CLASP2: variants seen among roughly 807,000 people sequenced by gnomAD.
CLASP2 encodes the protein cytoplasmic linker associated protein 2, also known as CLIP-associating protein 2.
CLASP2 carries 47 observed loss-of-function variants against 194.4 expected under a neutral mutation model. The observed-to-expected ratio is 0.24, with a 90% CI of 0.19 to 0.31. CLASP2 has a LOEUF of 0.31. Ranked by LOEUF, CLASP2 falls within the 10% of genes least tolerant of loss-of-function variation. CLASP2 has a pLI of 1.00. For missense variants in CLASP2, 1,445 were observed against 1,823.6 expected, an observed-to-expected ratio of 0.79 and a Z score of 3.78; for synonymous variants, 619 against 633.5, an observed-to-expected ratio of 0.98 and a Z score of 0.34.
At chr3:33,636,703 C>T (rs148577202) in intron 8 of CLASP2, among the ~76,000 whole-genome samples, 5,346 of 152,206 alleles carry the variant, frequency 0.035, 143 homozygotes, top group Non-Finnish European at 0.052. Flanking sequence ...TGGGTTCAAG[C>T]GATTCTCCTG....
chr3:33,628,878 T>C (rs925193961), intron 9 of CLASP2, among the ~76,000 whole-genome samples: 5 of 151,934 alleles, frequency 3.3e-5, no homozygotes, highest in Middle Eastern at 3.4e-3. Context: ...GATGTGCCTA[T>C]AAAGAGACAG....
chr3:33,561,797 C>T (rs1192617132), intron 27 of CLASP2, among the ~76,000 whole-genome samples: 3 of 151,928 alleles, frequency 2.0e-5, no homozygotes, highest in Admixed American at 6.6e-5. Context: ...ATAAGATAGT[C>T]AACACCATAA....
At chr3:33,593,887 A>G (rs2069496889) in intron 20 of CLASP2, among the ~76,000 whole-genome samples, 1 of 152,156 alleles carries the variant, frequency 6.6e-6, no homozygotes. Context: ...TCTGTTGCCC[A>G]GGCTGGAGTG....
intron 7 of CLASP2, among the ~76,000 whole-genome samples, chr3:33,660,237 C>A (rs1343646918): frequency 6.6e-6 from 1 of 152,204 alleles, no homozygotes; most frequent in East Asian, 1.9e-4. Context: ...CTGCCATAAT[C>A]GCAGGGGGTC....
At chr3:33,516,836 G>A in intron 35 of CLASP2, 145 bp downstream of exon 35, 1 of 695,940 alleles carries the variant, frequency 1.4e-6, no homozygotes, top group Middle Eastern at 4.1e-4. Flanking sequence ...AGAAGAAAAA[G>A]TACTTCACAG....
intron 37 of CLASP2, among the ~76,000 whole-genome samples, chr3:33,509,850 C>T (rs551286029): frequency 6.6e-6 from 1 of 152,088 alleles, no homozygotes; most frequent in Non-Finnish European, 1.5e-5. Context: ...ACATCTATGA[C>T]TATAAATTAG....
intron 3 of CLASP2, 34 bp from the exon 4 acceptor site, chr3:33,688,402 A>G (rs1559645155): frequency 1.4e-6 from 2 of 1,404,736 alleles, no homozygotes; most frequent in Admixed American, 2.2e-5. Context: ...GTATAACAAA[A>G]AACTAAATTA....
At chr3:33,552,116 ATTTT>A (rs760891395) in intron 29 of CLASP2, among the ~76,000 whole-genome samples, 5 of 135,238 alleles carry the variant, frequency 3.7e-5, no homozygotes, top group Non-Finnish European at 3.2e-5. Flanking sequence ...TGGGTTTATA[ATTTT>A]TTTTTTTTTT....
chr3:33,591,439 C>T (rs2068761800), intron 21 of CLASP2, among the ~76,000 whole-genome samples: 1 of 151,832 alleles, frequency 6.6e-6, no homozygotes, highest in African/African-American at 2.4e-5. Flanking sequence ...ACAGCAAGAC[C>T]CCATCTCTTA....
intron 6 of CLASP2, among the ~76,000 whole-genome samples, chr3:33,672,701 T>G (rs962237706): frequency 6.6e-6 from 1 of 152,032 alleles, no homozygotes; most frequent in Non-Finnish European, 1.5e-5. Flanking sequence ...TGAAAAAAAT[T>G]TAGATGAATG....
Position 33,671,805 on chromosome 3 carries a change from C to T in CLASP2, c.645-8290G>A, listed in dbSNP as rs976568927. On this transcript the variant is annotated intron_variant, in intron 6 of 38. Transcript: ENST00000682230. Reference sequence around the variant, plus strand: ...AGGAGATTATATCCTGCACCTGGCTCGGAGGGTCCTACGCCCACGGAGACT... The same window carrying T: ...AGGAGATTATATCCTGCACCTGGCTTGGAGGGTCCTACGCCCACGGAGACT... Among the ~76,000 whole-genome samples the T allele has an allele frequency of 1.4e-4, 21 of 152,324 alleles. No homozygotes were observed. The East Asian group carries it at 3.3e-3, about 24-fold the overall frequency.
At chr3:33,619,042 C>T (rs1040867345) in intron 12 of CLASP2, among the ~76,000 whole-genome samples, 10 of 152,172 alleles carry the variant, frequency 6.6e-5, no homozygotes, top group African/African-American at 2.4e-4. Context: ...AGGCTACGAA[C>T]CTGTAGCTGA....
intron 1 of CLASP2, among the ~76,000 whole-genome samples, chr3:33,704,958 G>C (rs937276345): frequency 6.6e-6 from 1 of 152,192 alleles, no homozygotes; most frequent in South Asian, 2.1e-4. Context: ...ATGTAAAATG[G>C]TGCAGCCATT....
chr3:33,508,178 G>A (rs1025146031), intron 37 of CLASP2, among the ~76,000 whole-genome samples: 2 of 151,796 alleles, frequency 1.3e-5, no homozygotes, highest in East Asian at 1.9e-4. Flanking sequence ...AGAAAACCTG[G>A]CTAATTAAAA....
intron 7 of CLASP2, among the ~76,000 whole-genome samples, chr3:33,660,110 G>T (rs1211840055): frequency 6.6e-6 from 1 of 152,110 alleles, no homozygotes; most frequent in Non-Finnish European, 1.5e-5. Context: ...ATTATGCATA[G>T]TTTTTTTCAC....
chr3:33,556,687 T>C (rs1207013323), intron 29 of CLASP2, among the ~76,000 whole-genome samples: 2 of 152,280 alleles, frequency 1.3e-5, no homozygotes, highest in Admixed American at 6.5e-5. Context: ...TCCACCTACC[T>C]TGGCCTCCCA....
intron 14 of CLASP2, 68 bp from the exon 15 acceptor site, chr3:33,607,529 G>A (rs1298830067): frequency 4.7e-6 from 5 of 1,055,540 alleles, no homozygotes; most frequent in Non-Finnish European, 6.8e-6. Flanking sequence ...GGTACTTAAG[G>A]CCTATATGTT....
chr3:33,703,175 G>T (rs1350171253), intron 1 of CLASP2, among the ~76,000 whole-genome samples: 1 of 152,230 alleles, frequency 6.6e-6, no homozygotes. Context: ...ACAAACCACA[G>T]ACTGGGGGAA....
intron 6 of CLASP2, among the ~76,000 whole-genome samples, chr3:33,670,847 C>G (rs534367468): frequency 2.0e-5 from 3 of 152,224 alleles, no homozygotes; most frequent in African/African-American, 7.2e-5. Context: ...TTCAGAATAT[C>G]AATGCAAAAT....
Sources: allele counts gnomAD v4.1 joint callset (sites outside exome capture counted in the v4.1 genomes callset), GRCh38; gene constraint gnomAD v4.1.1; transcripts MANE v1.5; gene names NCBI Gene and HGNC (gene_info 2026-07-23, HGNC 2026-07-21).